ALPL: variants seen among roughly 807,000 people sequenced by gnomAD.
ALPL encodes alkaline phosphatase, tissue-nonspecific isozyme.
A neutral mutation model predicts 51.3 loss-of-function variants in ALPL; 42 were observed. The ratio of observed to expected loss-of-function variants is 0.82; its 90% CI spans 0.64 to 1.06. ALPL has a LOEUF of 1.06. Ranked by LOEUF, ALPL falls within the 50% of genes least tolerant of loss-of-function variation. The pLI is 0.00. For synonymous variants in ALPL, 279 were observed against 296.4 expected, an observed-to-expected ratio of 0.94 and a Z score of 0.60; for missense variants, 589 against 709.4, an observed-to-expected ratio of 0.83 and a Z score of 1.93.
Position 21,552,633 on chromosome 1 carries a change from A to G in ALPL, c.-104-1345A>G, listed in dbSNP as rs1022582050. Among the ~76,000 whole-genome samples the G allele has an allele frequency of 3.3e-5, 5 of 152,306 alleles. No individual in the cohort carries two copies. In the East Asian group the frequency reaches 7.7e-4, roughly 24 times the overall value. ...CGCTGTGTTGCCCAGGCTGGTCTCC[A>G]ACTCCAGGCCTGAAGCGAACTTCCT... On this transcript the variant is annotated intron_variant, in intron 1 of 11. Coordinates refer to ENST00000374840, the MANE Select transcript of ALPL (RefSeq NM_000478.6).
At chr1:21,576,791 G>T in intron 11 of ALPL, 150 bp downstream of exon 11, 1 of 1,073,080 alleles carries the variant, frequency 9.3e-7, no homozygotes, top group Non-Finnish European at 1.3e-6. Context: ...CAGGTTGTTT[G>T]ATTCAAACAA....
chr1:21,550,208 C>T (rs1400457523), intron 1 of ALPL, among the ~76,000 whole-genome samples: 1 of 152,128 alleles, frequency 6.6e-6, no homozygotes, highest in East Asian at 1.9e-4. Context: ...TAAATCTATC[C>T]ATGTGTCAAA....
At chr1:21,564,000 G>A (rs1381197075) in intron 5 of ALPL, 41 bp from the exon 6 acceptor site, 6 of 1,609,276 alleles carry the variant, frequency 3.7e-6, no homozygotes, top group East Asian at 2.2e-5. Flanking sequence ...GGGACACCCC[G>A]ATCTGTGGAT....
Position 21,564,145 on chromosome 1 carries a change from C to G in ALPL, c.577C>G (p.Pro193Ala), listed in dbSNP as rs1436640927. 11 of 1,614,056 alleles carry G rather than the reference C, an allele frequency of 6.8e-6. No homozygotes were observed. Among genetic ancestry groups the G allele is most frequent in the Non-Finnish European group, 8.5e-6 (10 of 1,180,004 alleles). The change falls in exon 6 of 12, where the codon CCC (proline) becomes GCC (alanine). Residue 193 changes from proline (P) to alanine (A), a missense_variant. Pro to Ala is a conservative substitution (Grantham distance 27). Transcript: ENST00000374840. This position sits in a 1 kb window ranked among gnomAD's most constrained non-coding sequence, Gnocchi z 5.8. ...DRDWYSDNEM[P>A]PEALSQGCKD... is the part of the protein sequence containing the mutation. ...GGACTGGTACTCAGACAACGAGATG[C>G]CCCCTGAGGCCTTGAGCCAGGGCTG...
chr1:21,577,365 G>T lies in ALPL; in HGVS notation c.1310-18G>T. ...GGCCCCTGGCAGGCTCTCAGCAGGT[G>T]TTTCCCCTGGCCCACAGCTCACAAC... On this transcript the variant is annotated intron_variant, in intron 11 of 11. Transcript: ENST00000374840. 2 of 1,613,156 alleles carry T rather than the reference G, an allele frequency of 1.2e-6. No individual in the cohort carries two copies. Among genetic ancestry groups the T allele is most frequent in the South Asian group, 1.1e-5 (1 of 91,088 alleles).
At chr1:21,528,347 T>C (rs865958890) in intron 1 of ALPL, among the ~76,000 whole-genome samples, 53,894 of 123,944 alleles carry the variant, frequency 0.43, 11,742 homozygotes, top group East Asian at 0.75. Flanking sequence ...ATTCAGTTTT[T>C]TTTTTTTTTT....
At chr1:21,530,243 A>G (rs746490296) in intron 1 of ALPL, among the ~76,000 whole-genome samples, 1 of 152,170 alleles carries the variant, frequency 6.6e-6, no homozygotes, top group African/African-American at 2.4e-5. Context: ...GCAAAACATC[A>G]CTAAACCTAG....
chr1:21,528,819 C>T (rs1643988799), intron 1 of ALPL, among the ~76,000 whole-genome samples: 1 of 150,882 alleles, frequency 6.6e-6, no homozygotes, highest in Non-Finnish European at 1.5e-5. Flanking sequence ...CATGTAATCC[C>T]AGCACTTTGG....
At chr1:21,542,660 G>GGA (rs1173857386) in intron 1 of ALPL, among the ~76,000 whole-genome samples, 1 of 152,118 alleles carries the variant, frequency 6.6e-6, no homozygotes, top group African/African-American at 2.4e-5. Flanking sequence ...TGGCCAACAT[G>GGA]GTGAAACCCT....
chr1:21,533,108 T>C (rs1213882968), intron 1 of ALPL, among the ~76,000 whole-genome samples: 1 of 152,192 alleles, frequency 6.6e-6, no homozygotes, highest in Non-Finnish European at 1.5e-5. Context: ...TCTTTCAACA[T>C]GGAAAGCCAC....
chr1:21,556,046 T>C (rs1422228516), intron 2 of ALPL, among the ~76,000 whole-genome samples: 1 of 152,206 alleles, frequency 6.6e-6, no homozygotes, highest in Non-Finnish European at 1.5e-5. Flanking sequence ...GTGCTGGGAT[T>C]ACAGGCATGA....
chr1:21,535,990 A>G (rs890138289), intron 1 of ALPL, among the ~76,000 whole-genome samples: 7 of 152,224 alleles, frequency 4.6e-5, no homozygotes, highest in South Asian at 2.1e-4. Flanking sequence ...ACCTACTAGA[A>G]AGGTGAATTA....
intron 1 of ALPL, among the ~76,000 whole-genome samples, chr1:21,512,131 G>T (rs1256332170): frequency 6.6e-6 from 1 of 152,168 alleles, no homozygotes; most frequent in Non-Finnish European, 1.5e-5. Context: ...ATCTCCATGT[G>T]GCCACAGGAA....
chr1:21,573,436 C>CAA (rs35155164), intron 8 of ALPL, among the ~76,000 whole-genome samples: 70 of 114,002 alleles, frequency 6.1e-4, no homozygotes, highest in African/African-American at 1.2e-3. Flanking sequence ...GACTCTGTCT[C>CAA]AAAAAAAAAA....
At chr1:21,519,416 G>A (rs532487534) in intron 1 of ALPL, among the ~76,000 whole-genome samples, 90 of 152,328 alleles carry the variant, frequency 5.9e-4, no homozygotes, top group Non-Finnish European at 9.6e-4. Flanking sequence ...GTCTTTGCCC[G>A]TGGAAAGTGC....
intron 1 of ALPL, among the ~76,000 whole-genome samples, chr1:21,547,517 G>A (rs1025567616): frequency 6.6e-6 from 1 of 152,150 alleles, no homozygotes; most frequent in African/African-American, 2.4e-5. Flanking sequence ...TGGCCAGGCC[G>A]CTCAGGTAGG....
chr1:21,530,476 A>G (rs1321363961), intron 1 of ALPL, among the ~76,000 whole-genome samples: 4 of 152,096 alleles, frequency 2.6e-5, no homozygotes, highest in African/African-American at 7.2e-5. Context: ...CCCAGTTCCA[A>G]TGAGTCCAAG....
At chr1:21,531,399 T>C (rs571339092) in intron 1 of ALPL, among the ~76,000 whole-genome samples, 10 of 152,352 alleles carry the variant, frequency 6.6e-5, no homozygotes, top group African/African-American at 2.4e-4. Flanking sequence ...TTTATCTCAG[T>C]AGACACTTGT....
intron 1 of ALPL, among the ~76,000 whole-genome samples, chr1:21,521,583 C>T (rs566619265): frequency 1.3e-5 from 2 of 152,338 alleles, no homozygotes; most frequent in Non-Finnish European, 2.9e-5. Context: ...GGGTGTGACT[C>T]TTGAGCCACT....
Sources: allele counts gnomAD v4.1 joint callset (sites outside exome capture counted in the v4.1 genomes callset), GRCh38; gene constraint gnomAD v4.1.1; non-coding constraint Gnocchi (gnomAD v3.1); transcripts MANE v1.5; gene names NCBI Gene and HGNC (gene_info 2026-07-23, HGNC 2026-07-21).